Variants in TRPM3 observed in about 807,000 individuals in gnomAD.
The protein encoded by TRPM3 is long transient receptor potential channel 3.
A neutral mutation model predicts 181.2 loss-of-function variants in TRPM3; 77 were observed. The observed-to-expected ratio is 0.42, with a 90% CI of 0.35 to 0.51. The LOEUF is 0.51. TRPM3 is among the 20% of genes least tolerant of loss of function. The pLI is 0.01. For synonymous variants in TRPM3, 745 were observed against 796.4 expected, an observed-to-expected ratio of 0.94 and a Z score of 1.09; for missense variants, 1,759 against 2,196.7, an observed-to-expected ratio of 0.80 and a Z score of 3.98.
intron 1 of TRPM3, among the ~76,000 whole-genome samples, chr9:71,169,633 C>T (rs771346300): frequency 2.0e-5 from 3 of 151,530 alleles, no homozygotes; most frequent in Admixed American, 6.6e-5. Context: ...AAGAGAGGCA[C>T]GGAGGAAAAA....
chr9:71,332,694 T>C lies in TRPM3; in HGVS notation c.183+113959A>G, dbSNP rs185417839. ...TTCATGAAGATGCTACTTCACACCATTGAGCATTCATATACAATTTTATAG... is the reference window on the plus strand; with the variant it reads ...TTCATGAAGATGCTACTTCACACCACTGAGCATTCATATACAATTTTATAG... On this transcript the variant is annotated intron_variant, in intron 1 of 24. Coordinates refer to the TRPM3 transcript ENST00000357533. 1.5e-3 allele frequency among the ~76,000 whole-genome samples: 221 copies of C among 151,834 alleles called. 3 individuals carry two copies. Among genetic ancestry groups the C allele is most frequent in the African/African-American group, 5.1e-3 (213 of 41,384 alleles).
intron 1 of TRPM3, among the ~76,000 whole-genome samples, chr9:71,207,097 A>G (rs2131773211): frequency 6.6e-6 from 1 of 152,216 alleles, no homozygotes; most frequent in East Asian, 1.9e-4. Flanking sequence ...ACAATGTTAT[A>G]CATCTGGTAA....
chr9:70,627,859 A>G (rs1321461972), intron 12 of TRPM3, among the ~76,000 whole-genome samples: 1 of 152,180 alleles, frequency 6.6e-6, no homozygotes, highest in Non-Finnish European at 1.5e-5. Context: ...CAGAATTTCA[A>G]AATCTCCTTT....
chr9:70,539,835 A>G (rs2042811590), intron 25 of TRPM3, among the ~76,000 whole-genome samples: 1 of 152,052 alleles, frequency 6.6e-6, no homozygotes, highest in African/African-American at 2.4e-5. Flanking sequence ...TGTTATATTT[A>G]TTTCTTTATT....
chr9:70,776,352 A>G (rs926963952), intron 7 of TRPM3: 1 of 658,676 alleles, frequency 1.5e-6, no homozygotes, highest in Non-Finnish European at 2.8e-6. Flanking sequence ...TGAGCTTCCA[A>G]TGCTGGCCCC....
chr9:71,290,151 A>G (rs984766030), intron 1 of TRPM3, among the ~76,000 whole-genome samples: 2 of 152,112 alleles, frequency 1.3e-5, no homozygotes, highest in African/African-American at 4.8e-5. Context: ...CAAAGTTCAC[A>G]AAAGAGAAGA....
At chr9:70,955,601 C>T (rs2097059622) in intron 1 of TRPM3, among the ~76,000 whole-genome samples, 1 of 152,098 alleles carries the variant, frequency 6.6e-6, no homozygotes. Flanking sequence ...TATTCAAGGT[C>T]ACATGGAAAA....
intron 1 of TRPM3, among the ~76,000 whole-genome samples, chr9:71,312,963 A>G (rs2088121086): frequency 6.6e-6 from 1 of 152,154 alleles, no homozygotes; most frequent in African/African-American, 2.4e-5. Flanking sequence ...TAGTACTACA[A>G]TGGGAGAGAC....
intron 1 of TRPM3, among the ~76,000 whole-genome samples, chr9:71,105,450 T>C (rs962531663): frequency 2.0e-5 from 3 of 152,126 alleles, no homozygotes; most frequent in Non-Finnish European, 2.9e-5. Flanking sequence ...CAGGACAGCT[T>C]AGACCCCAGC....
intron 1 of TRPM3, among the ~76,000 whole-genome samples, chr9:70,932,933 C>A (rs543137587): frequency 1.3e-5 from 2 of 152,132 alleles, no homozygotes; most frequent in Admixed American, 6.5e-5. Context: ...ACTTTGATGA[C>A]AGAAGAGATG....
At chr9:70,914,386 C>G (rs926139124) in intron 1 of TRPM3, among the ~76,000 whole-genome samples, 1 of 152,164 alleles carries the variant, frequency 6.6e-6, no homozygotes, top group Non-Finnish European at 1.5e-5. Context: ...ATTATTCATT[C>G]TAAGGTATTT....
rs549256769 is a variant in TRPM3, at chr9:70,745,450, T to C, written c.1272+16151A>G. ...TGAGTTGAAAAATTCTTCCTCTTTA[T>C]CTTCTTTCCACTATTTTATTTAAAA... On this transcript the variant is annotated intron_variant, in intron 8 of 25. Coordinates refer to ENST00000677713, the MANE Select transcript of TRPM3 (RefSeq NM_001366145.2). 3.9e-5 allele frequency among the ~76,000 whole-genome samples: 6 copies of C among 152,310 alleles called. No homozygotes were observed. The South Asian group carries it at 1.2e-3, about 32-fold the overall frequency.
At chr9:70,910,307 A>G (rs1046728928) in intron 1 of TRPM3, among the ~76,000 whole-genome samples, 3 of 152,290 alleles carry the variant, frequency 2.0e-5, no homozygotes, top group African/African-American at 7.2e-5. Context: ...GGAACACATG[A>G]TTCTGTTTTT....
intron 7 of TRPM3, among the ~76,000 whole-genome samples, chr9:70,765,437 A>T (rs1167290111): frequency 6.6e-6 from 1 of 152,058 alleles, no homozygotes; most frequent in East Asian, 1.9e-4. Flanking sequence ...CTAAAAATTC[A>T]AAAATTAGCC....
At chr9:71,237,712 A>G (rs1359829151) in intron 1 of TRPM3, among the ~76,000 whole-genome samples, 2 of 152,206 alleles carry the variant, frequency 1.3e-5, no homozygotes, top group South Asian at 4.1e-4. Flanking sequence ...GTGCCGCTGT[A>G]ACAGAATATC....
At position 70,610,763 on chromosome 9, in the gene TRPM3, G is replaced by A; in HGVS notation, c.2527-14C>T. ...TCCCAACATTGCCTATGTTGGAAGAGAATCGATACCATCATGACAGGGCTC... is the reference window on the plus strand; with the variant it reads ...TCCCAACATTGCCTATGTTGGAAGAAAATCGATACCATCATGACAGGGCTC... On this transcript the variant is annotated splice_polypyrimidine_tract_variant and intron_variant, in intron 18 of 25. Coordinates refer to ENST00000677713, the MANE Select transcript of TRPM3 (RefSeq NM_001366145.2). The A allele has an allele frequency of 6.2e-7, 1 of 1,613,900 alleles. No individual in the cohort carries two copies. The highest frequency in any genetic ancestry group is 1.7e-5 in the Admixed American group (1 of 60,006).
intron 22 of TRPM3, among the ~76,000 whole-genome samples, chr9:70,556,785 G>A (rs2047823163): frequency 6.6e-6 from 1 of 152,096 alleles, no homozygotes; most frequent in Non-Finnish European, 1.5e-5. Context: ...CTTTAGCTTT[G>A]TCCATAAACT....
intron 6 of TRPM3, among the ~76,000 whole-genome samples, chr9:70,816,453 T>G (rs1180910298): frequency 6.6e-6 from 1 of 152,240 alleles, no homozygotes; most frequent in East Asian, 1.9e-4. Context: ...GCTGCTTTTA[T>G]TCCCTGAGAC....
At chr9:71,281,385 A>G (rs2084694394) in intron 1 of TRPM3, among the ~76,000 whole-genome samples, 1 of 152,222 alleles carries the variant, frequency 6.6e-6, no homozygotes, top group African/African-American at 2.4e-5. Context: ...CCTTACATCC[A>G]AATCACTTGC....
Sources: gnomAD v4.1 joint callset for allele counts (sites outside exome capture counted in the v4.1 genomes callset) on GRCh38, gnomAD v4.1.1 for gene constraint, MANE v1.5 for transcripts, NCBI Gene and HGNC (gene_info 2026-07-23, HGNC 2026-07-21) for gene names.